The following MZT2B variants were observed in gnomAD, a reference collection of about 807,000 sequenced individuals.
MZT2B encodes mitotic spindle organizing protein 2B.
A neutral mutation model predicts 12.1 loss-of-function variants in MZT2B; 11 were observed. The observed-to-expected ratio is 0.91, with a 90% confidence interval of 0.57 to 1.50. MZT2B has a LOEUF of 1.50. Ranked by LOEUF, MZT2B falls within the 40% of genes most tolerant of loss-of-function variation. The probability of loss-of-function intolerance (pLI) is 0.00; values close to 1 mark genes in which losing one functional copy is unlikely to be tolerated. For missense variants in MZT2B, 209 were observed against 227.7 expected (o/e 0.92, Z 0.53); for synonymous variants, 85 against 109.5 (o/e 0.78, Z 1.40).
chr2:130,190,084 C>T (rs929323130), intron 2 of MZT2B, among the ~76,000 whole-genome samples: 1 of 152,210 alleles, frequency 6.6e-6, no homozygotes, highest in African/African-American at 2.4e-5. Context: ...GCAGCGCATC[C>T]CTGCTGCTGC....
chr2:130,198,546 C>T, the MZT2B span: 19 of 680,804 alleles, frequency 2.8e-5, 5 homozygotes, highest in Non-Finnish European at 4.3e-5. Context: ...TCTGATTGGC[C>T]GTTGCTCAAC....
upstream of MZT2B, chr2:130,182,153 TCC>T (rs1171746735): frequency 5.6e-6 from 7 of 1,248,776 alleles, no homozygotes; most frequent in Non-Finnish European, 7.0e-6. Context: ...GGCGGCCCCG[TCC>T]CCGCGCTCCC....
chr2:130,197,330 T>C, the MZT2B span, among the ~76,000 whole-genome samples: 1 of 144,342 alleles, frequency 6.9e-6, no homozygotes, highest in South Asian at 2.3e-4. Context: ...CTATGAAAAA[T>C]TTACAAATTA....
chr2:130,184,108 G>A, intron 2 of MZT2B: 1 of 1,533,324 alleles, frequency 6.5e-7, no homozygotes, highest in Non-Finnish European at 8.8e-7. Context: ...TTAGCCACAG[G>A]GCACGATTTC....
Position 130,182,776 on chromosome 2 carries a change from G to C in MZT2B, c.319+1G>C. On this transcript the variant is annotated splice_donor_variant, in intron 2 of 2. Transcript: ENST00000281871. LOFTEE classifies it high-confidence loss of function. ...ACGTCGAGCGTGCCCGAGACCCGAG[G>C]TCAGAGCTGGGCCCGCTGTCCCTGC... The C allele has an allele frequency of 6.7e-7, 1 of 1,488,708 alleles. No individual in the cohort carries two copies. Among genetic ancestry groups the C allele is most frequent in the East Asian group, 2.5e-5 (1 of 40,392 alleles). 92.2% of individuals were successfully genotyped at this position (1,488,708 alleles called of 1,614,324 possible).
chr2:130,183,751 C>T, intron 2 of MZT2B: 1 of 1,550,642 alleles, frequency 6.4e-7, no homozygotes, highest in East Asian at 2.4e-5. Context: ...GACCTTCGCT[C>T]TGTCTGCTCT....
rs10183618 is a variant in MZT2B at position 130,185,868 on chromosome 2, C to G, written c.319+3093C>G. 2.8e-3 allele frequency among the ~76,000 whole-genome samples: 426 copies of G among 152,250 alleles called. 1 individual carries two copies. Among genetic ancestry groups the G allele is most frequent in the African/African-American group, 9.1e-3 (378 of 41,532 alleles). ...CAGGGTCATTTGTTCCTTGAGGGCTCTGTCCTGGAAGCATAGCCCAGGTCC... is the reference window on the plus strand; with the variant it reads ...CAGGGTCATTTGTTCCTTGAGGGCTGTGTCCTGGAAGCATAGCCCAGGTCC... On this transcript the variant is annotated intron_variant, in intron 2 of 2. Transcript: ENST00000281871.
At chr2:130,184,751 A>T in intron 2 of MZT2B, 1 of 985,372 alleles carries the variant, frequency 1.0e-6, no homozygotes, top group Non-Finnish European at 1.2e-6. Context: ...ACTCCAGGGG[A>T]TGTTGCTGCT....
At chr2:130,201,383 C>T in the MZT2B span, among the ~76,000 whole-genome samples, 5 of 152,204 alleles carry the variant, frequency 3.3e-5, no homozygotes, top group African/African-American at 1.2e-4. Context: ...AGAGGCCTCT[C>T]TTCCTGGTTT....
At chr2:130,189,885 G>A (rs1226988204) in intron 2 of MZT2B, among the ~76,000 whole-genome samples, 1 of 152,194 alleles carries the variant, frequency 6.6e-6, no homozygotes, top group Admixed American at 6.5e-5. Flanking sequence ...ATGGAATCTG[G>A]CAGCTAAACC....
the MZT2B span, among the ~76,000 whole-genome samples, chr2:130,197,782 T>C: frequency 8.1e-6 from 1 of 123,436 alleles, no homozygotes; most frequent in African/African-American, 2.9e-5. Flanking sequence ...AATTTTAGTA[T>C]TTTTTTGTAG....
chr2:130,183,928 C>G, intron 2 of MZT2B: 3 of 1,550,558 alleles, frequency 1.9e-6, no homozygotes, highest in South Asian at 1.2e-5. Context: ...CCCCCGGGTT[C>G]CCTCCGCCTC....
At chr2:130,200,390 CA>C in the MZT2B span, among the ~76,000 whole-genome samples, 50,706 of 124,504 alleles carry the variant, frequency 0.41, 7,958 homozygotes, top group East Asian at 0.5. Context: ...GACTCTGTCT[CA>C]AAAAAAAAAA....
the MZT2B span, among the ~76,000 whole-genome samples, chr2:130,203,055 T>C: frequency 2.2e-5 from 3 of 138,792 alleles, no homozygotes; most frequent in Non-Finnish European, 4.6e-5. Flanking sequence ...TTTCTTTTTT[T>C]TTTTTTTTTT....
chr2:130,183,820 C>A lies in MZT2B; in HGVS notation c.319+1045C>A, dbSNP rs1291870218. ...TTTCTCTCTGCCAGGAACAGTAGCC[C>A]CCCTGCAAGGCCCTCCTTTTCCTCC... On this transcript the variant is annotated intron_variant, in intron 2 of 2. Coordinates refer to ENST00000281871, the MANE Select transcript of MZT2B (RefSeq NM_025029.5). 5 of 1,550,612 alleles carry A rather than the reference C, an allele frequency of 3.2e-6. No individual in the cohort carries two copies. The African/African-American group carries it at 5.5e-5, about 17-fold the overall frequency.
intron 2 of MZT2B, chr2:130,184,842 A>G (rs1689998031): frequency 1.0e-6 from 1 of 985,172 alleles, no homozygotes; most frequent in African/African-American, 1.7e-5. Context: ...AGATGATCAC[A>G]CTCAGAGCCC....
At chr2:130,193,919 C>A, downstream of MZT2B, 5 of 1,614,192 alleles carry the variant, frequency 3.1e-6, no homozygotes, top group Non-Finnish European at 4.2e-6. Flanking sequence ...CTTGCCATGG[C>A]GAGGGTCACA....
chr2:130,197,219 G>A, the MZT2B span, among the ~76,000 whole-genome samples: 5 of 152,172 alleles, frequency 3.3e-5, no homozygotes, highest in Non-Finnish European at 1.5e-5. Context: ...GCTGGGTGTG[G>A]TGGCTCATTC....
At chr2:130,182,113 A>G (rs1228825589), upstream of MZT2B, 6 of 1,317,472 alleles carry the variant, frequency 4.6e-6, no homozygotes, top group South Asian at 1.7e-5. Flanking sequence ...TGAGCGCCCA[A>G]TAACTGTTGG....
Sources: allele counts gnomAD v4.1 joint callset (sites outside exome capture counted in the v4.1 genomes callset), GRCh38; gene constraint gnomAD v4.1.1; transcripts MANE v1.5; gene names NCBI Gene and HGNC (gene_info 2026-07-23, HGNC 2026-07-21).